ZMAT4: variants seen among roughly 807,000 people sequenced by gnomAD.
ZMAT4 encodes zinc finger matrin-type 4.
ZMAT4 carries 17 observed loss-of-function variants against 28.7 expected under a neutral mutation model. That is an observed-to-expected ratio of 0.59 (90% CI 0.41 to 0.89). The LOEUF is 0.89. ZMAT4 is among the 40% of genes least tolerant of loss of function. The pLI, the probability that ZMAT4 is intolerant of heterozygous loss-of-function variation, is 0.00. For synonymous variants in ZMAT4, 117 were observed against 109.2 expected (o/e 1.07, Z -0.44); for missense variants, 240 against 283.8 (o/e 0.85, Z 1.11).
At chr8:40,591,449 C>T (rs1309658109) in intron 5 of ZMAT4, among the ~76,000 whole-genome samples, 3 of 152,178 alleles carry the variant, frequency 2.0e-5, no homozygotes, top group Admixed American at 2.0e-4. Flanking sequence ...TCCTGCAGGT[C>T]GGTCACCCAT....
intron 5 of ZMAT4, among the ~76,000 whole-genome samples, chr8:40,659,898 C>A (rs538897077): frequency 6.6e-6 from 1 of 152,308 alleles, no homozygotes; most frequent in African/African-American, 2.4e-5. Flanking sequence ...TAAAACTATA[C>A]TTCCTGCAGT....
intron 6 of ZMAT4, among the ~76,000 whole-genome samples, chr8:40,567,832 T>C (rs1247250505): frequency 1.3e-5 from 2 of 152,164 alleles, no homozygotes; most frequent in African/African-American, 4.8e-5. Flanking sequence ...TCATTTGTTT[T>C]TTGAAAAAAT....
chr8:40,642,706 G>T (rs1162310001), intron 5 of ZMAT4, among the ~76,000 whole-genome samples: 1 of 152,144 alleles, frequency 6.6e-6, no homozygotes, highest in African/African-American at 2.4e-5. Context: ...CCATCCCCAG[G>T]ATATGTGAGC....
chr8:40,587,005 T>G (rs1037224037), intron 5 of ZMAT4, among the ~76,000 whole-genome samples: 10 of 150,844 alleles, frequency 6.6e-5, no homozygotes, highest in African/African-American at 2.4e-4. Flanking sequence ...CTGATTAGCC[T>G]GAGACGTGAA....
At chr8:40,845,870 A>G (rs1251391817) in intron 1 of ZMAT4, among the ~76,000 whole-genome samples, 1 of 152,022 alleles carries the variant, frequency 6.6e-6, no homozygotes, top group African/African-American at 2.4e-5. Flanking sequence ...CCAAGCATCA[A>G]TTAGGAGCGG....
chr8:40,601,633 AGAG>A (rs1563360765), intron 5 of ZMAT4, among the ~76,000 whole-genome samples: 3 of 26,036 alleles, frequency 1.2e-4, no homozygotes, highest in Admixed American at 2.9e-4. Flanking sequence ...AAAGAAAGAA[AGAG>A]AAAGAAAGAA....
At chr8:40,626,811 G>T (rs371106365) in intron 5 of ZMAT4, among the ~76,000 whole-genome samples, 42 of 152,268 alleles carry the variant, frequency 2.8e-4, no homozygotes, top group East Asian at 5.8e-4. Flanking sequence ...AGCTGGGGAG[G>T]GGGGCTGGAG....
At chr8:40,689,712 G>T (rs1239408187) in intron 4 of ZMAT4, among the ~76,000 whole-genome samples, 4 of 151,216 alleles carry the variant, frequency 2.6e-5, no homozygotes, top group East Asian at 3.9e-4. Context: ...GTTTTTTTTT[G>T]AATAGTAATG....
intron 5 of ZMAT4, among the ~76,000 whole-genome samples, chr8:40,603,141 T>G (rs544844388): frequency 6.6e-6 from 1 of 152,302 alleles, no homozygotes; most frequent in East Asian, 1.9e-4. Flanking sequence ...CTTCCACACA[T>G]GTCTTGCCAA....
Position 40,810,174 on chromosome 8 carries a change from C to CT in ZMAT4, c.102+15400dup, listed in dbSNP as rs201605090. ...GTGTGTGTATGTATATATTCATTGT[C>CT]TTTAAATTAATTCTTAAACTTGAAG... On this transcript the variant is annotated intron_variant, in intron 2 of 6. Coordinates refer to ENST00000297737, the MANE Select transcript of ZMAT4 (RefSeq NM_024645.3). Among the ~76,000 whole-genome samples the CT allele has an allele frequency of 1.4e-4, 21 of 152,192 alleles. No individual in the cohort carries two copies. In the East Asian group the frequency reaches 3.7e-3, roughly 27 times the overall value.
intron 5 of ZMAT4, among the ~76,000 whole-genome samples, chr8:40,592,377 C>T (rs1485389702): frequency 6.6e-6 from 1 of 152,182 alleles, no homozygotes; most frequent in East Asian, 1.9e-4. Flanking sequence ...TCTATTACTC[C>T]ATACTACCGT....
intron 2 of ZMAT4, among the ~76,000 whole-genome samples, chr8:40,801,396 G>C (rs190786703): frequency 4.9e-5 from 7 of 141,596 alleles, no homozygotes; most frequent in African/African-American, 1.8e-4. Context: ...GGTGGGGTGC[G>C]GTGGCTCACG....
intron 3 of ZMAT4, among the ~76,000 whole-genome samples, chr8:40,754,739 G>C (rs1407096010): frequency 6.6e-6 from 1 of 152,170 alleles, no homozygotes; most frequent in Non-Finnish European, 1.5e-5. Flanking sequence ...CGACCAGGTG[G>C]GCTGACTGTT....
chr8:40,735,837 A>G (rs554888080), intron 3 of ZMAT4, among the ~76,000 whole-genome samples: 1 of 152,298 alleles, frequency 6.6e-6, no homozygotes, highest in African/African-American at 2.4e-5. Context: ...GCATGTCTGG[A>G]TGGGCGCTCG....
intron 1 of ZMAT4, among the ~76,000 whole-genome samples, chr8:40,836,914 A>G (rs1480072781): frequency 6.6e-6 from 1 of 152,240 alleles, no homozygotes; most frequent in Non-Finnish European, 1.5e-5. Flanking sequence ...GATGATCGGT[A>G]GATAAATAGA....
intron 3 of ZMAT4, among the ~76,000 whole-genome samples, chr8:40,705,308 G>A (rs1810304564): frequency 6.6e-6 from 1 of 152,170 alleles, no homozygotes; most frequent in Non-Finnish European, 1.5e-5. Context: ...ACCAAGAGAA[G>A]TGGCTAAGAA....
chr8:40,547,829 C>A (rs540182897), intron 6 of ZMAT4, among the ~76,000 whole-genome samples: 2 of 152,052 alleles, frequency 1.3e-5, no homozygotes, highest in Admixed American at 6.5e-5. Context: ...TGGAGAGACT[C>A]ACGATGAATG....
chr8:40,691,706 G>T (rs1809672953), intron 4 of ZMAT4, among the ~76,000 whole-genome samples: 1 of 152,160 alleles, frequency 6.6e-6, no homozygotes, highest in Non-Finnish European at 1.5e-5. Context: ...GAATTGTGTG[G>T]CAGACACTAT....
At chr8:40,657,362 T>C (rs529556826) in intron 5 of ZMAT4, among the ~76,000 whole-genome samples, 12 of 41,138 alleles carry the variant, frequency 2.9e-4, no homozygotes, top group Admixed American at 2.2e-3. Context: ...ACTACAGATG[T>C]GCTGGCAACA....
Sources: gnomAD v4.1 joint callset for allele counts (sites outside exome capture counted in the v4.1 genomes callset) on GRCh38, gnomAD v4.1.1 for gene constraint, MANE v1.5 for transcripts, NCBI Gene and HGNC (gene_info 2026-07-23, HGNC 2026-07-21) for gene names.